Variants in STXBP5 observed in about 807,000 individuals in gnomAD.
STXBP5 encodes syntaxin-binding protein 5.
STXBP5 carries 50 observed loss-of-function variants against 152.4 expected under a neutral mutation model. The ratio of observed to expected loss-of-function variants is 0.33; its 90% CI spans 0.26 to 0.42. The LOEUF (loss-of-function observed/expected upper bound fraction) is 0.42. Among genes scored for constraint, STXBP5 ranks in the 10% least tolerant of loss-of-function variants. The pLI, the probability that STXBP5 is intolerant of heterozygous loss-of-function variation, is 1.00. For synonymous variants in STXBP5, 492 were observed against 494.7 expected (o/e 0.99, Z 0.07); for missense variants, 1,167 against 1,388.6 (o/e 0.84, Z 2.54).
At chr6:147,247,706 T>C (rs989924381) in intron 4 of STXBP5, among the ~76,000 whole-genome samples, 1 of 152,174 alleles carries the variant, frequency 6.6e-6, no homozygotes, top group African/African-American at 2.4e-5. Flanking sequence ...AATATTGTGA[T>C]TAATTTTGTC....
Position 147,390,347 on chromosome 6 carries a change from T to A in STXBP5, c.*5592T>A, listed in dbSNP as rs1324668780. 6.6e-6 allele frequency: 1 copy of A among 151,996 alleles called. No individual in the cohort carries two copies. The highest frequency in any genetic ancestry group is 1.9e-4 in the East Asian group (1 of 5,188). 9.4% of individuals were successfully genotyped at this position (151,996 alleles called of 1,614,324 possible). ...AATAAATACCGTTAAGCTGGTATTT[T>A]AAAAAATGTATTATAAATTAATTAA... is the stretch of plus-strand genomic sequence containing the variant. On this transcript the variant is annotated 3_prime_UTR_variant, in exon 28 of 28. Coordinates refer to ENST00000321680, the MANE Select transcript of STXBP5 (RefSeq NM_001127715.4).
intron 18 of STXBP5, among the ~76,000 whole-genome samples, chr6:147,330,273 CTACTAATGATTGTGTGTATATTAAATA>C (rs1783501282): frequency 6.6e-6 from 1 of 151,982 alleles, no homozygotes; most frequent in Non-Finnish European, 1.5e-5. Flanking sequence ...AATGATAAAA[CTACTAATGATTGTGTGTATATTAAATA>C]TACTAATGAT....
chr6:147,384,442 T>G (rs1259115089), intron 27 of STXBP5, among the ~76,000 whole-genome samples: 1 of 152,146 alleles, frequency 6.6e-6, no homozygotes, highest in Non-Finnish European at 1.5e-5. Context: ...AAAATAAAAA[T>G]TATCTTACTT....
In STXBP5 at chr6:147,264,368, T is replaced by G. The variant is rs891722128; in HGVS notation, c.630+2015T>G. 3.9e-5 allele frequency among the ~76,000 whole-genome samples: 6 copies of G among 152,096 alleles called. No homozygotes were observed. The South Asian group carries it at 1.2e-3, about 32-fold the overall frequency. Reference sequence around the variant, plus strand: ...GTTTCAAGCACTGTGCTTGCCACTTTATATACACGATTTCATTTGATCTTT... The same window carrying G: ...GTTTCAAGCACTGTGCTTGCCACTTGATATACACGATTTCATTTGATCTTT... On this transcript the variant is annotated intron_variant, in intron 6 of 27. Coordinates refer to ENST00000321680, the MANE Select transcript of STXBP5 (RefSeq NM_001127715.4).
chr6:147,260,182 A>C (rs1779575561), intron 4 of STXBP5, among the ~76,000 whole-genome samples: 1 of 152,188 alleles, frequency 6.6e-6, no homozygotes, highest in Non-Finnish European at 1.5e-5. Context: ...AAAAATATCA[A>C]GGAGGTGCAT....
At chr6:147,264,739 A>G (rs1289807873) in intron 6 of STXBP5, among the ~76,000 whole-genome samples, 3 of 152,100 alleles carry the variant, frequency 2.0e-5, no homozygotes, top group African/African-American at 7.2e-5. Flanking sequence ...AGAATTTCCA[A>G]TTTTAATTAA....
chr6:147,381,267 G>A (rs972018487), intron 26 of STXBP5, among the ~76,000 whole-genome samples: 3 of 152,122 alleles, frequency 2.0e-5, no homozygotes, highest in Non-Finnish European at 4.4e-5. Flanking sequence ...AATGACAAAT[G>A]AGTGCATGAA....
chr6:147,357,293 C>T (rs1784858969), intron 22 of STXBP5, among the ~76,000 whole-genome samples: 1 of 151,958 alleles, frequency 6.6e-6, no homozygotes, highest in Non-Finnish European at 1.5e-5. Flanking sequence ...AAGGCTGATG[C>T]AAAGGCACCA....
chr6:147,334,125 G>A (rs1238149113), intron 18 of STXBP5, 32 bp from the exon 19 acceptor site: 1 of 1,602,148 alleles, frequency 6.2e-7, no homozygotes, highest in Non-Finnish European at 8.5e-7. Context: ...ATAAATGTAT[G>A]GGTTGATTTG....
chr6:147,329,719 G>A (rs372488552), intron 18 of STXBP5, among the ~76,000 whole-genome samples: 16 of 125,084 alleles, frequency 1.3e-4, no homozygotes, highest in East Asian at 5.6e-4. Context: ...TCCGCCTCCC[G>A]GGTTCACGCC....
At position 147,363,385 on chromosome 6, in the gene STXBP5, A is replaced by G. The variant is rs1481862442; in HGVS notation, c.2596A>G (p.Thr866Ala). The change falls in exon 24 of 28, where the codon ACC becomes GCC. Residue 866 changes from threonine to alanine, a missense_variant. Thr to Ala is a moderately conservative substitution (Grantham distance 58). Around this residue, in one of 3 missense-constraint regions of STXBP5, gnomAD observed 833 missense variants for 986.3 expected, o/e 0.84. Coordinates refer to ENST00000321680, the MANE Select transcript of STXBP5 (RefSeq NM_001127715.4). ...AATCTTGAGAATGGCATTTCTGGAT[A>G]CCACAGGCTGCTTAATACCACCTGC... ...GAILRMAFLD[T>A]TGCLIPPAYE... 5.0e-6 allele frequency: 8 copies of G among 1,611,794 alleles called. No individual in the cohort carries two copies. The highest frequency in any genetic ancestry group is 6.8e-6 in the Non-Finnish European group (8 of 1,179,412).
chr6:147,231,030 A>G (rs1234695490), intron 2 of STXBP5, among the ~76,000 whole-genome samples: 1 of 151,822 alleles, frequency 6.6e-6, no homozygotes, highest in Non-Finnish European at 1.5e-5. Flanking sequence ...AATCAACCAG[A>G]AAAAGCCATT....
chr6:147,310,878 ATTTT>A (rs895737622), intron 10 of STXBP5, among the ~76,000 whole-genome samples: 1 of 151,290 alleles, frequency 6.6e-6, no homozygotes, highest in Admixed American at 6.6e-5. Flanking sequence ...ATATATGTAT[ATTTT>A]TTTTTCACAG....
In STXBP5 at chr6:147,384,883, A is replaced by G; in HGVS notation, c.*128A>G. 4.2e-6 allele frequency: 4 copies of G among 957,040 alleles called. No individual in the cohort carries two copies. Among genetic ancestry groups the G allele is most frequent in the Non-Finnish European group, 6.5e-6 (4 of 615,556 alleles). The allele number at this position is 957,040 out of a possible 1,614,324, so 59.3% of individuals were successfully genotyped here. The stretch of plus-strand genomic sequence containing the variant: ...AATACTGTTCTTTCCTAGCACAGTC[A>G]TGCACTGTTTTACCTCAGTCATGTG... On this transcript the variant is annotated 3_prime_UTR_variant, in exon 28 of 28. Transcript: ENST00000321680.
intron 21 of STXBP5, among the ~76,000 whole-genome samples, chr6:147,344,621 T>C (rs1443786575): frequency 6.6e-6 from 1 of 152,212 alleles, no homozygotes; most frequent in African/African-American, 2.4e-5. Flanking sequence ...ACAACCCTGG[T>C]ATCTGTGTAT....
chr6:147,269,300 CTAAAG>C lies in STXBP5; in HGVS notation c.714+2134_714+2138del, dbSNP rs139897330. Reference sequence around the variant, plus strand: ...GTGGTGGAACTAAACTAGCCCTATACTAAAGGCTGGCTTAAGTTCATCCTAACAAA... The same window carrying C: ...GTGGTGGAACTAAACTAGCCCTATACGCTGGCTTAAGTTCATCCTAACAAA... On this transcript the variant is annotated intron_variant, in intron 7 of 27. Transcript: ENST00000321680. 8.1e-3 allele frequency among the ~76,000 whole-genome samples: 1,237 copies of C among 152,236 alleles called. 19 individuals carry two copies. The highest frequency in any genetic ancestry group is 0.029 in the African/African-American group (1,187 of 41,540).
In STXBP5 at chr6:147,235,292, T is replaced by A. The variant is rs760453450; in HGVS notation, c.291T>A (p.Ser97Arg). 1 of 1,613,390 alleles carries A rather than the reference T, an allele frequency of 6.2e-7. No homozygotes were observed. Among genetic ancestry groups the A allele is most frequent in the East Asian group, 2.2e-5 (1 of 44,826 alleles). Reference sequence around the variant, plus strand: ...TAGAATGTTATTGCCAGCATGACAGTGGAGCTGCAGTAATCCAGCTCCAGT... The same window carrying A: ...TAGAATGTTATTGCCAGCATGACAGAGGAGCTGCAGTAATCCAGCTCCAGT... ...PGVECYCQHDSGAAVIQLQFL... is the reference protein window; with the variant it reads ...PGVECYCQHDRGAAVIQLQFL... The change falls in exon 3 of 28, where the codon AGT (serine) becomes AGA (arginine). Residue 97 changes from serine to arginine, a missense_variant. By Grantham distance (110) the Ser-to-Arg change is moderately radical. Coordinates refer to ENST00000321680, the MANE Select transcript of STXBP5 (RefSeq NM_001127715.4).
chr6:147,385,367 C>T lies in STXBP5; in HGVS notation c.*612C>T, dbSNP rs1042729826. 3 of 152,044 alleles carry T rather than the reference C, an allele frequency of 2.0e-5. No homozygotes were observed. The highest frequency in any genetic ancestry group is 7.2e-5 in the African/African-American group (3 of 41,434). 9.4% of individuals were successfully genotyped at this position (152,044 alleles called of 1,614,324 possible). A position where few individuals can be genotyped will look rare whatever the true frequency, so the allele number is the denominator to read the frequency against. Reference sequence around the variant, plus strand: ...ACATAGTTGACTTGTGTATGAGCTACTCTTGGATTCTTGTTATTATAGACT... The same window carrying T: ...ACATAGTTGACTTGTGTATGAGCTATTCTTGGATTCTTGTTATTATAGACT... On this transcript the variant is annotated 3_prime_UTR_variant, in exon 28 of 28. Transcript: ENST00000321680.
chr6:147,351,227 G>A (rs1784575382), intron 21 of STXBP5, among the ~76,000 whole-genome samples: 2 of 152,178 alleles, frequency 1.3e-5, no homozygotes, highest in African/African-American at 4.8e-5. Context: ...CAGAATCAGG[G>A]TGTGGATTTT....
Sources: allele counts gnomAD v4.1 joint callset (sites outside exome capture counted in the v4.1 genomes callset), GRCh38; gene constraint gnomAD v4.1.1; regional missense constraint gnomAD v4.1.1; transcripts MANE v1.5; gene names NCBI Gene and HGNC (gene_info 2026-07-23, HGNC 2026-07-21).